CACNA2D3: variants seen among roughly 807,000 people sequenced by gnomAD.
The protein encoded by CACNA2D3 is voltage-dependent calcium channel subunit alpha-2/delta-3.
CACNA2D3 carries 60 observed loss-of-function variants against 160.6 expected under a neutral mutation model. That is an observed-to-expected ratio of 0.37 (90% CI 0.30 to 0.46). The LOEUF (loss-of-function observed/expected upper bound fraction) is 0.46, where lower values mean the gene tolerates loss of function less well. CACNA2D3 is among the 20% of genes least tolerant of loss of function. The pLI is 1.00. For missense variants in CACNA2D3, 1,205 were observed against 1,365.0 expected (o/e 0.88, Z 1.85); for synonymous variants, 558 against 492.9 (o/e 1.13, Z -1.75).
chr3:54,946,034 T>C (rs184023553), intron 27 of CACNA2D3, among the ~76,000 whole-genome samples: 1 of 152,328 alleles, frequency 6.6e-6, no homozygotes, highest in African/African-American at 2.4e-5. Flanking sequence ...CCCTGCCTCA[T>C]TATCACATTT....
chr3:54,498,389 C>T (rs541611099), intron 4 of CACNA2D3, among the ~76,000 whole-genome samples: 38 of 152,016 alleles, frequency 2.5e-4, no homozygotes, highest in Admixed American at 2.1e-3. Flanking sequence ...TTGTAATATT[C>T]CCTTATCCTT....
At chr3:54,657,841 C>A (rs1699901771) in intron 11 of CACNA2D3, among the ~76,000 whole-genome samples, 1 of 151,982 alleles carries the variant, frequency 6.6e-6, no homozygotes, top group South Asian at 2.1e-4. Flanking sequence ...CCAGCCTAGC[C>A]AACATGGTGA....
chr3:54,343,449 G>A (rs1408506757), intron 3 of CACNA2D3, among the ~76,000 whole-genome samples: 1 of 151,822 alleles, frequency 6.6e-6, no homozygotes, highest in African/African-American at 2.4e-5. Context: ...GTGCCCCCAC[G>A]CCCAGCTAAT....
rs182014703 is a variant in CACNA2D3 at position 54,816,971 on chromosome 3, G to C, written c.1398+101G>C. 225 of 1,398,782 alleles carry C rather than the reference G, an allele frequency of 1.6e-4. No homozygotes were observed. The African/African-American group carries it at 3.0e-3, about 19-fold the overall frequency. The allele number at this position is 1,398,782 out of a possible 1,614,324, so 86.6% of individuals were successfully genotyped here. On this transcript the variant is annotated intron_variant, in intron 14 of 37. Transcript: ENST00000474759. ...TGACACTGTTCATGACCAGTGAAATGGTTTTTTTCCACAGCTTCAGAAACC... is the reference window on the plus strand; with the variant it reads ...TGACACTGTTCATGACCAGTGAAATCGTTTTTTTCCACAGCTTCAGAAACC...
intron 4 of CACNA2D3, among the ~76,000 whole-genome samples, chr3:54,482,555 T>C (rs1477079224): frequency 6.6e-6 from 1 of 152,186 alleles, no homozygotes; most frequent in East Asian, 1.9e-4. Context: ...TTTCTGTGAT[T>C]TGAATAAATT....
intron 9 of CACNA2D3, among the ~76,000 whole-genome samples, chr3:54,621,502 G>T (rs983151342): frequency 5.9e-5 from 9 of 152,228 alleles, no homozygotes; most frequent in African/African-American, 2.2e-4. Context: ...TGCGTGAGTC[G>T]CTTGAAGCAA....
At chr3:54,592,792 T>C (rs757636208) in intron 9 of CACNA2D3, among the ~76,000 whole-genome samples, 24 of 152,352 alleles carry the variant, frequency 1.6e-4, no homozygotes, top group Non-Finnish European at 2.8e-4. Flanking sequence ...GCAGTTTTGA[T>C]CTTTTCTTGT....
chr3:54,286,920 G>C (rs1161890237), intron 2 of CACNA2D3, among the ~76,000 whole-genome samples: 1 of 152,132 alleles, frequency 6.6e-6, no homozygotes, highest in Non-Finnish European at 1.5e-5. Context: ...AAGAGCTCCT[G>C]AAAGAAGCAC....
chr3:54,122,682 C>A lies in CACNA2D3; in HGVS notation c.-32C>A. On this transcript the variant is annotated 5_prime_UTR_variant, in exon 1 of 38. Coordinates refer to ENST00000474759, the MANE Select transcript of CACNA2D3 (RefSeq NM_018398.3). ...AGCTCCCCGCGGCCGCTCTCGTCGC[C>A]GCCGCAGCGGGCGCGTCGGAGGGAG... 1.8e-6 allele frequency: 2 copies of A among 1,085,822 alleles called. No homozygotes were observed. Among genetic ancestry groups the A allele is most frequent in the South Asian group, 8.7e-5 (2 of 23,004 alleles). 67.3% of individuals were successfully genotyped at this position (1,085,822 alleles called of 1,614,324 possible).
intron 35 of CACNA2D3, among the ~76,000 whole-genome samples, chr3:55,024,523 T>A (rs1331649722): frequency 6.6e-6 from 1 of 152,078 alleles, no homozygotes; most frequent in African/African-American, 2.4e-5. Context: ...TAAAATAAGT[T>A]TGAGGGAATC....
intron 2 of CACNA2D3, among the ~76,000 whole-genome samples, 160 bp downstream of exon 2, chr3:54,123,754 C>T (rs1056647931): frequency 5.9e-5 from 9 of 152,186 alleles, no homozygotes; most frequent in Admixed American, 4.6e-4. Context: ...TGACTTCTTC[C>T]TACCAACCGG....
intron 2 of CACNA2D3, among the ~76,000 whole-genome samples, chr3:54,220,780 T>C (rs920517700): frequency 4.6e-5 from 7 of 152,160 alleles, no homozygotes; most frequent in African/African-American, 1.7e-4. Flanking sequence ...CCCTGTCTTC[T>C]CTCCAGAGCC....
In CACNA2D3 at chr3:54,896,877, G is replaced by C. The variant is rs1268036495; in HGVS notation, c.2368+7G>C. On this transcript the variant is annotated splice_region_variant and intron_variant, in intron 26 of 37. Coordinates refer to ENST00000474759, the MANE Select transcript of CACNA2D3 (RefSeq NM_018398.3). Reference sequence around the variant, plus strand: ...TCGATCCCATTCAGCACTGGTGGGTGCCCTTGTTGGAGGCGGGCTCTGTCT... The same window carrying C: ...TCGATCCCATTCAGCACTGGTGGGTCCCCTTGTTGGAGGCGGGCTCTGTCT... The C allele has an allele frequency of 6.2e-7, 1 of 1,613,914 alleles. No individual in the cohort carries two copies. Among genetic ancestry groups the C allele is most frequent in the Non-Finnish European group, 8.5e-7 (1 of 1,179,848 alleles).
At chr3:54,225,770 A>G (rs1026504309) in intron 2 of CACNA2D3, among the ~76,000 whole-genome samples, 1 of 150,646 alleles carries the variant, frequency 6.6e-6, no homozygotes, top group Non-Finnish European at 1.5e-5. Context: ...TTCTGTTTCT[A>G]TTACGCTTTT....
At chr3:54,256,454 T>C (rs1702295009) in intron 2 of CACNA2D3, among the ~76,000 whole-genome samples, 1 of 152,216 alleles carries the variant, frequency 6.6e-6, no homozygotes, top group Admixed American at 6.5e-5. Flanking sequence ...GCTTTTGTGA[T>C]CTTCTCATGC....
chr3:54,714,043 C>G (rs61267487), intron 11 of CACNA2D3, among the ~76,000 whole-genome samples: 38,570 of 151,956 alleles, frequency 0.25, 5,252 homozygotes, highest in African/African-American at 0.29. Flanking sequence ...GAGGGACAGA[C>G]AGCAGAAAGC....
intron 31 of CACNA2D3, among the ~76,000 whole-genome samples, chr3:54,993,090 C>G (rs1268745111): frequency 6.6e-6 from 1 of 152,188 alleles, no homozygotes; most frequent in South Asian, 2.1e-4. Flanking sequence ...CCATCTGCCC[C>G]CATGATCCAA....
chr3:54,837,765 G>A (rs907527413), intron 15 of CACNA2D3, among the ~76,000 whole-genome samples: 3 of 152,050 alleles, frequency 2.0e-5, no homozygotes, highest in Admixed American at 6.6e-5. Flanking sequence ...CTCTGCCTCT[G>A]TTTCCATGTG....
chr3:54,752,520 G>A, intron 11 of CACNA2D3, 79 bp from the exon 12 acceptor site: 2 of 908,014 alleles, frequency 2.2e-6, no homozygotes, highest in Admixed American at 1.9e-5. Flanking sequence ...TAAGCCACAT[G>A]TGTGTGAGCC....
Sources: allele counts gnomAD v4.1 joint callset (sites outside exome capture counted in the v4.1 genomes callset), GRCh38; gene constraint gnomAD v4.1.1; transcripts MANE v1.5; gene names NCBI Gene and HGNC (gene_info 2026-07-23, HGNC 2026-07-21).